Variants in KDM4B observed in about 807,000 individuals in gnomAD.
The protein encoded by KDM4B is lysine-specific demethylase 4B.
In KDM4B, 32 loss-of-function variants were observed where a neutral mutation model predicts 125.2. That is an observed-to-expected ratio of 0.26 (90% confidence interval 0.19 to 0.34). The LOEUF (loss-of-function observed/expected upper bound fraction) is 0.34, where lower values mean the gene tolerates loss of function less well. Among genes scored for constraint, KDM4B ranks in the 10% least tolerant of loss-of-function variants. The pLI, the probability that KDM4B is intolerant of heterozygous loss-of-function variation, is 1.00. For synonymous variants in KDM4B, 721 were observed against 677.9 expected, an observed-to-expected ratio of 1.06 and a Z score of -0.99; for missense variants, 1,190 against 1,577.7, an observed-to-expected ratio of 0.75 and a Z score of 4.16.
rs373764792 is a variant in KDM4B, at chr19:5,134,034, C to T, written c.2058C>T (p.Ile686=). 4 of 1,605,862 alleles carry T rather than the reference C, an allele frequency of 2.5e-6. No homozygotes were observed. Among genetic ancestry groups the T allele is most frequent in the Non-Finnish European group, 2.5e-6 (3 of 1,177,224 alleles). ...AAARTEPYCA[I]CTLFYPYCQA... is the part of the protein sequence containing the mutation. ...CGCGCACGGAGCCCTACTGCGCCAT[C>T]TGCACGCTCTTCTACCCCTACTGCC... is the stretch of plus-strand genomic sequence containing the variant. Residue 686 remains isoleucine, a synonymous_variant, in exon 14 of 23, where the codon ATC becomes ATT. Transcript: ENST00000159111.
chr19:5,023,518 G>A (rs1157153900), intron 2 of KDM4B, among the ~76,000 whole-genome samples: 2 of 152,166 alleles, frequency 1.3e-5, no homozygotes, highest in Non-Finnish European at 2.9e-5. Flanking sequence ...TCTGTCCTCG[G>A]TCCCTGCTGG....
chr19:4,975,077 C>T (rs2034399180), intron 1 of KDM4B, among the ~76,000 whole-genome samples: 1 of 152,166 alleles, frequency 6.6e-6, no homozygotes, highest in South Asian at 2.1e-4. Context: ...CCTACTTCTC[C>T]TCCTTTGCAT....
intron 7 of KDM4B, among the ~76,000 whole-genome samples, 158 bp downstream of exon 7, chr19:5,071,217 C>A (rs1485251964): frequency 6.6e-6 from 1 of 152,186 alleles, no homozygotes; most frequent in Non-Finnish European, 1.5e-5. Flanking sequence ...TGATTTTTTC[C>A]ATTTCCTCCC....
At chr19:5,030,957 C>T (rs967054880) in intron 2 of KDM4B, among the ~76,000 whole-genome samples, 2 of 152,252 alleles carry the variant, frequency 1.3e-5, no homozygotes, top group African/African-American at 4.8e-5. Flanking sequence ...CGTTCTGCCA[C>T]CCAGTCCTCC....
At chr19:5,134,764 C>G (rs2039618975) in intron 14 of KDM4B, among the ~76,000 whole-genome samples, 1 of 152,074 alleles carries the variant, frequency 6.6e-6, no homozygotes, top group Admixed American at 6.5e-5. Context: ...CCGGCCGGGT[C>G]TGGGTGGACA....
chr19:4,992,447 G>C (rs2035059896), intron 1 of KDM4B, among the ~76,000 whole-genome samples: 1 of 151,682 alleles, frequency 6.6e-6, no homozygotes, highest in Middle Eastern at 3.2e-3. Flanking sequence ...GCTGCAACCT[G>C]TACTTTTTTT....
intron 18 of KDM4B, among the ~76,000 whole-genome samples, chr19:5,143,075 C>T (rs2039774381): frequency 1.3e-5 from 2 of 152,092 alleles, no homozygotes; most frequent in African/African-American, 4.8e-5. Context: ...CCTGTAATCC[C>T]AGCACTTTAG....
At chr19:5,147,692 A>G (rs540925789) in intron 21 of KDM4B, among the ~76,000 whole-genome samples, 1 of 151,508 alleles carries the variant, frequency 6.6e-6, no homozygotes, top group African/African-American at 2.4e-5. Context: ...TCAGTGATCC[A>G]AGATCGCGCC....
intron 1 of KDM4B, among the ~76,000 whole-genome samples, chr19:5,012,239 A>G (rs1430804686): frequency 2.0e-5 from 3 of 151,898 alleles, no homozygotes; most frequent in Non-Finnish European, 4.4e-5. Flanking sequence ...TAGCTTTTGG[A>G]GCAGTTTTAG....
At chr19:5,001,539 C>T (rs571958302) in intron 1 of KDM4B, among the ~76,000 whole-genome samples, 18 of 152,290 alleles carry the variant, frequency 1.2e-4, no homozygotes, top group African/African-American at 4.1e-4. Flanking sequence ...ACTGTGCTGC[C>T]GTGAGTAACC....
At position 5,111,980 on chromosome 19, in the gene KDM4B, A is replaced by G. The variant is rs1599210234; in HGVS notation, c.1115+1162A>G. 5 of 628,162 alleles carry G rather than the reference A, an allele frequency of 8.0e-6. No homozygotes were observed. In the East Asian group the frequency reaches 1.1e-4, roughly 14 times the overall value. The allele number at this position is 628,162 out of a possible 1,614,324, so 38.9% of individuals were successfully genotyped here. ...TTAAAAATGTGAACATTGGCCAGGC[A>G]CGATCGCTCACACCTGTAATCTCTG... On this transcript the variant is annotated intron_variant, in intron 10 of 22. Coordinates refer to ENST00000159111, the MANE Select transcript of KDM4B (RefSeq NM_015015.3).
chr19:4,987,118 C>CT (rs1555686961), intron 1 of KDM4B, among the ~76,000 whole-genome samples: 6 of 152,100 alleles, frequency 3.9e-5, no homozygotes, highest in Non-Finnish European at 8.8e-5. Context: ...GCCACTACGC[C>CT]TGGCTAATTT....
chr19:5,084,963 C>T (rs959817222), intron 9 of KDM4B, among the ~76,000 whole-genome samples: 1 of 151,794 alleles, frequency 6.6e-6, no homozygotes, highest in East Asian at 1.9e-4. Context: ...ACCTCGGCCT[C>T]GAAAAGTGCT....
At position 4,977,519 on chromosome 19, in the gene KDM4B, G is replaced by A. The variant is rs372170235; in HGVS notation, c.-109+8289G>A. Among the ~76,000 whole-genome samples the A allele has an allele frequency of 2.0e-4, 31 of 152,330 alleles. No homozygotes were observed. In the South Asian group the frequency reaches 6.0e-3, roughly 30 times the overall value. On this transcript the variant is annotated intron_variant, in intron 1 of 22. Transcript: ENST00000159111. Reference sequence around the variant, plus strand: ...CATTCATAGCTGGACCCAAGTGCTGGCACCTTCCGAGCCGCCGGCAGTGGC... The same window carrying A: ...CATTCATAGCTGGACCCAAGTGCTGACACCTTCCGAGCCGCCGGCAGTGGC...
intron 3 of KDM4B, among the ~76,000 whole-genome samples, chr19:5,036,940 G>A (rs534097750): frequency 6.6e-6 from 1 of 152,360 alleles, no homozygotes; most frequent in Non-Finnish European, 1.5e-5. Flanking sequence ...GTCACCTAGA[G>A]TGTGGCTCCG....
At chr19:5,044,653 T>A (rs888280311) in intron 5 of KDM4B, among the ~76,000 whole-genome samples, 3 of 152,114 alleles carry the variant, frequency 2.0e-5, no homozygotes, top group Non-Finnish European at 4.4e-5. Flanking sequence ...GTTCAAGCGA[T>A]TCTCCTGCCT....
At chr19:4,995,352 G>A (rs2035165430) in intron 1 of KDM4B, among the ~76,000 whole-genome samples, 1 of 151,788 alleles carries the variant, frequency 6.6e-6, no homozygotes, top group South Asian at 2.1e-4. Context: ...TCTTACTCTG[G>A]GCAACAGAGC....
At chr19:5,137,022 G>A (rs531771498) in intron 15 of KDM4B, among the ~76,000 whole-genome samples, 9 of 152,276 alleles carry the variant, frequency 5.9e-5, no homozygotes, top group East Asian at 5.8e-4. Flanking sequence ...CCCCTCCTGC[G>A]TCCTCTTTCC....
intron 1 of KDM4B, among the ~76,000 whole-genome samples, chr19:4,990,615 T>G (rs1410728536): frequency 6.6e-6 from 1 of 152,204 alleles, no homozygotes; most frequent in Non-Finnish European, 1.5e-5. Context: ...GAAGTTGGCC[T>G]GGGGGTAATC....
Sources: gnomAD v4.1 joint callset for allele counts (sites outside exome capture counted in the v4.1 genomes callset) on GRCh38, gnomAD v4.1.1 for gene constraint, MANE v1.5 for transcripts, NCBI Gene and HGNC (gene_info 2026-07-23, HGNC 2026-07-21) for gene names.